The following BTBD9 variants were observed in gnomAD, a reference collection of about 807,000 sequenced individuals.
BTBD9 encodes the protein BTB domain containing 9.
In BTBD9, 49 loss-of-function variants were observed where a neutral mutation model predicts 64.3. That is an observed-to-expected ratio of 0.76 (90% CI 0.61 to 0.97). The LOEUF (loss-of-function observed/expected upper bound fraction) is 0.97. Ranked by LOEUF, BTBD9 falls within the 50% of genes least tolerant of loss-of-function variation. The pLI is 0.00. For missense variants in BTBD9, 598 were observed against 762.1 expected (o/e 0.78, Z 2.53); for synonymous variants, 260 against 274.7 (o/e 0.95, Z 0.53).
In BTBD9 at chr6:38,580,372, C is replaced by G; in HGVS notation, c.880G>C (p.Ala294Pro). The G allele has an allele frequency of 6.2e-7, 1 of 1,614,208 alleles. No homozygotes were observed. Among genetic ancestry groups the G allele is most frequent in the South Asian group, 1.1e-5 (1 of 91,082 alleles). The change falls in exon 5 of 11, where the codon GCC becomes CCC. Residue 294 changes from alanine to proline, a missense_variant. Physicochemically the swap from Ala to Pro is conservative, Grantham distance 27 (BLOSUM62 -1). Coordinates refer to ENST00000481247, the MANE Select transcript of BTBD9 (RefSeq NM_001099272.2). The stretch of plus-strand genomic sequence containing the variant: ...TTTTGAGTATCACCATCTAATAAGG[C>G]TGATTTCAGCTCCCCCTTTACAACT... ...AQVVKGELKS[A>P]LLDGDTQNYD...
At chr6:38,262,058 A>G (rs751084075) in intron 8 of BTBD9, among the ~76,000 whole-genome samples, 3 of 152,212 alleles carry the variant, frequency 2.0e-5, no homozygotes, top group Non-Finnish European at 4.4e-5. Flanking sequence ...CATTGAGAGG[A>G]ATTTTGCTCT....
At chr6:38,210,536 T>TGTG (rs1762794279) in intron 9 of BTBD9, among the ~76,000 whole-genome samples, 2 of 146,348 alleles carry the variant, frequency 1.4e-5, no homozygotes, top group Non-Finnish European at 1.5e-5. Flanking sequence ...GTGCGTGTGT[T>TGTG]TGTGTGTGTG....
At chr6:38,393,374 C>G (rs1766524278) in intron 6 of BTBD9, among the ~76,000 whole-genome samples, 1 of 152,202 alleles carries the variant, frequency 6.6e-6, no homozygotes, top group Admixed American at 6.5e-5. Flanking sequence ...TTCCACAAAG[C>G]TAGCAGAGCC....
At chr6:38,380,417 A>G (rs1308332635) in intron 6 of BTBD9, among the ~76,000 whole-genome samples, 4 of 152,356 alleles carry the variant, frequency 2.6e-5, no homozygotes, top group East Asian at 1.9e-4. Context: ...TGACTAGATA[A>G]AACAATAATA....
At chr6:38,402,233 T>G (rs1562133193) in intron 6 of BTBD9, among the ~76,000 whole-genome samples, 2 of 152,176 alleles carry the variant, frequency 1.3e-5, no homozygotes, top group African/African-American at 4.8e-5. Context: ...GTTCATGGAT[T>G]AAAAGATTTA....
At chr6:38,598,347 T>C (rs1013059431) in intron 1 of BTBD9, among the ~76,000 whole-genome samples, 21 of 152,090 alleles carry the variant, frequency 1.4e-4, no homozygotes, top group African/African-American at 5.1e-4. Context: ...ATGCCAGATC[T>C]CCAAACACTA....
chr6:38,564,762 G>A (rs577288032), intron 6 of BTBD9, among the ~76,000 whole-genome samples: 2 of 151,900 alleles, frequency 1.3e-5, no homozygotes, highest in Non-Finnish European at 2.9e-5. Context: ...CGTGGTGGTA[G>A]GCACCTGTAA....
Position 38,477,814 on chromosome 6 carries a change from CTT to C in BTBD9, c.1154+99784_1154+99785del, listed in dbSNP as rs538219562. Among the ~76,000 whole-genome samples, 10 of 152,308 alleles carry C rather than the reference CTT, an allele frequency of 6.6e-5. No homozygotes were observed. The East Asian group carries it at 1.9e-3, about 29-fold the overall frequency. On this transcript the variant is annotated intron_variant, in intron 6 of 10. Transcript: ENST00000481247. ...CCTCGAGTCATTTAAGAATTACTCA[CTT>C]AACTCAAACTGAGCAACGATGCCAC...
chr6:38,550,606 G>A lies in BTBD9; in HGVS notation c.1154+26994C>T, dbSNP rs138674572. ...GCTGGGATTATAGGCATGAGCCACC[G>A]TGCCCAGCCTCTTTTTTTTCTTACC... On this transcript the variant is annotated intron_variant, in intron 6 of 10. Coordinates refer to ENST00000481247, the MANE Select transcript of BTBD9 (RefSeq NM_001099272.2). Among the ~76,000 whole-genome samples, 332 of 152,118 alleles carry A rather than the reference G, an allele frequency of 2.2e-3. 2 individuals are homozygous for A. The highest frequency in any genetic ancestry group is 7.7e-3 in the African/African-American group (318 of 41,496).
At chr6:38,561,546 G>C (rs1251951596) in intron 6 of BTBD9, among the ~76,000 whole-genome samples, 2 of 152,100 alleles carry the variant, frequency 1.3e-5, no homozygotes, top group Non-Finnish European at 2.9e-5. Context: ...ACTCAATCTA[G>C]GTGTCTATCA....
At chr6:38,327,618 A>G (rs2127579437) in intron 7 of BTBD9, among the ~76,000 whole-genome samples, 1 of 152,330 alleles carries the variant, frequency 6.6e-6, no homozygotes, top group African/African-American at 2.4e-5. Context: ...TAAGTGTACA[A>G]TGTGAGTCCT....
chr6:38,524,824 A>T (rs765259330), intron 6 of BTBD9, among the ~76,000 whole-genome samples: 1 of 152,130 alleles, frequency 6.6e-6, no homozygotes, highest in Non-Finnish European at 1.5e-5. Context: ...CTCACAATAA[A>T]GGAGTCAACA....
intron 6 of BTBD9, among the ~76,000 whole-genome samples, chr6:38,375,966 A>C (rs1333519526): frequency 1.3e-5 from 2 of 150,292 alleles, no homozygotes; most frequent in South Asian, 2.1e-4. Flanking sequence ...AAAGAAAGAA[A>C]AAACGTGTAG....
At chr6:38,178,935 C>A (rs1761413457) in intron 10 of BTBD9, among the ~76,000 whole-genome samples, 1 of 152,122 alleles carries the variant, frequency 6.6e-6, no homozygotes, top group Non-Finnish European at 1.5e-5. Context: ...TCACTGCAAC[C>A]TCCGCCTCCC....
intron 6 of BTBD9, among the ~76,000 whole-genome samples, chr6:38,553,937 C>T (rs766123382): frequency 2.6e-5 from 4 of 151,790 alleles, no homozygotes; most frequent in Non-Finnish European, 5.9e-5. Flanking sequence ...TATATTTTTT[C>T]ATACTGGACA....
At chr6:38,467,590 G>A (rs924567549) in intron 6 of BTBD9, among the ~76,000 whole-genome samples, 1 of 152,152 alleles carries the variant, frequency 6.6e-6, no homozygotes, top group Non-Finnish European at 1.5e-5. Flanking sequence ...CAACTGAGAA[G>A]GTGATCTACG....
chr6:38,419,471 T>C (rs1767810135), intron 6 of BTBD9, among the ~76,000 whole-genome samples: 1 of 152,220 alleles, frequency 6.6e-6, no homozygotes, highest in Non-Finnish European at 1.5e-5. Context: ...AATCTCTTAC[T>C]TGACCTGAAA....
At chr6:38,396,545 A>C (rs2127628376) in intron 6 of BTBD9, among the ~76,000 whole-genome samples, 1 of 152,326 alleles carries the variant, frequency 6.6e-6, no homozygotes, top group Non-Finnish European at 1.5e-5. Context: ...GTGCTATATC[A>C]TACTTTTCCC....
chr6:38,634,585 A>AAG (rs1778468686), intron 1 of BTBD9, among the ~76,000 whole-genome samples: 1 of 151,084 alleles, frequency 6.6e-6, no homozygotes, highest in Non-Finnish European at 1.5e-5. Flanking sequence ...TTAAAAAAAA[A>AAG]GGGGGGGGAG....
Sources: allele counts gnomAD v4.1 joint callset (sites outside exome capture counted in the v4.1 genomes callset), GRCh38; gene constraint gnomAD v4.1.1; transcripts MANE v1.5; gene names NCBI Gene and HGNC (gene_info 2026-07-23, HGNC 2026-07-21).